Variants in STAG3 observed in about 807,000 individuals in gnomAD.
The protein encoded by STAG3 is cohesin subunit SA-3.
Under a neutral mutation model 160.7 loss-of-function variants are expected in STAG3, and 101 were observed. The ratio of observed to expected loss-of-function variants is 0.63; its 90% CI spans 0.54 to 0.74. The LOEUF is 0.74. STAG3 is among the 30% of genes least tolerant of loss of function. STAG3 has a pLI of 0.00. For synonymous variants in STAG3, 519 were observed against 585.0 expected (o/e 0.89, Z 1.63); for missense variants, 1,188 against 1,517.4 (o/e 0.78, Z 3.61).
chr7:100,206,621 A>G (rs1358177864), intron 29 of STAG3, among the ~76,000 whole-genome samples: 1 of 151,842 alleles, frequency 6.6e-6, no homozygotes, highest in East Asian at 1.9e-4. Context: ...ACAGGCGTCC[A>G]CCACCACCCC....
chr7:100,195,476 A>G, intron 9 of STAG3, 94 bp downstream of exon 9: 1 of 1,190,106 alleles, frequency 8.4e-7, no homozygotes. Context: ...ACCCTTAGTT[A>G]TTTGGTTAGT....
chr7:100,201,147 T>G lies in STAG3; in HGVS notation c.2119T>G (p.Ser707Ala). ...YNLAATLKRL[S>A]AFYNTHDLTR... ...TCTGGCAGCCACTCTGAAACGCCTC[T>G]CTGCCTTCTACAAGTGAGTGGCTTT... Residue 707 changes from serine (S) to alanine (A), a missense_variant, in exon 20 of 34, where the codon TCT becomes GCT. By Grantham distance (99) the Ser-to-Ala change is moderately conservative. Coordinates refer to ENST00000615138, the MANE Select transcript of STAG3 (RefSeq NM_001282717.2). 4.3e-6 allele frequency: 7 copies of G among 1,614,246 alleles called. No homozygotes were observed. The highest frequency in any genetic ancestry group is 5.9e-6 in the Non-Finnish European group (7 of 1,180,050).
chr7:100,178,246 C>A (rs112326232), intron 1 of STAG3, among the ~76,000 whole-genome samples: 123 of 152,292 alleles, frequency 8.1e-4, no homozygotes, highest in African/African-American at 2.9e-3. Context: ...AGCCGCTTAC[C>A]CCAGGGGCAG....
chr7:100,186,049 A>G (rs1799980401), intron 4 of STAG3, 151 bp from the exon 5 acceptor site: 1 of 715,240 alleles, frequency 1.4e-6, no homozygotes, highest in Non-Finnish European at 2.3e-6. Context: ...CCTATATGAA[A>G]TTTTACCTTT....
At chr7:100,189,126 G>A in intron 7 of STAG3, 110 bp downstream of exon 7, 7 of 1,213,510 alleles carry the variant, frequency 5.8e-6, no homozygotes, top group South Asian at 1.4e-5. Context: ...TTCACTTCAA[G>A]GCCATGCCTC....
At chr7:100,204,208 C>G in intron 26 of STAG3, 86 bp downstream of exon 26, 1 of 1,037,004 alleles carries the variant, frequency 9.6e-7, no homozygotes, top group Non-Finnish European at 1.5e-6. Flanking sequence ...TAAGATCCTT[C>G]AGAGCAGTAA....
intron 5 of STAG3, among the ~76,000 whole-genome samples, chr7:100,188,010 C>A (rs897542843): frequency 5.9e-5 from 9 of 152,192 alleles, no homozygotes; most frequent in Non-Finnish European, 1.3e-4. Flanking sequence ...CCCACCTTGG[C>A]CTCCCAAAGT....
At chr7:100,184,447 G>C (rs1799851220) in intron 4 of STAG3, among the ~76,000 whole-genome samples, 1 of 144,226 alleles carries the variant, frequency 6.9e-6, no homozygotes, top group African/African-American at 2.6e-5. Context: ...CTTATATGCA[G>C]TTGTACAGCG....
At chr7:100,194,143 C>T (rs1318195380) in intron 8 of STAG3, among the ~76,000 whole-genome samples, 5 of 151,914 alleles carry the variant, frequency 3.3e-5, no homozygotes, top group Non-Finnish European at 7.4e-5. Flanking sequence ...GACGGGGTTT[C>T]GCCATGTTGG....
intron 4 of STAG3, among the ~76,000 whole-genome samples, chr7:100,183,089 C>A (rs1799758346): frequency 1.3e-5 from 2 of 152,026 alleles, no homozygotes; most frequent in African/African-American, 4.8e-5. Flanking sequence ...TCTTGGCTCA[C>A]TGCAGCCTCT....
intron 4 of STAG3, among the ~76,000 whole-genome samples, 176 bp from the exon 5 acceptor site, chr7:100,186,024 A>G (rs1799977877): frequency 6.6e-6 from 1 of 152,212 alleles, no homozygotes; most frequent in Non-Finnish European, 1.5e-5. Flanking sequence ...GTTGCTACTT[A>G]CACCTCATTT....
At chr7:100,185,853 A>G (rs912314821) in intron 4 of STAG3, among the ~76,000 whole-genome samples, 15 of 152,264 alleles carry the variant, frequency 9.9e-5, no homozygotes, top group African/African-American at 3.6e-4. Flanking sequence ...TGCAGGACCC[A>G]GCTTTATTTA....
chr7:100,198,624 C>G, intron 13 of STAG3, 42 bp downstream of exon 13: 1 of 1,569,742 alleles, frequency 6.4e-7, no homozygotes, highest in South Asian at 1.1e-5. Flanking sequence ...ACCACGCTCT[C>G]GGTTTCTCTC....
At chr7:100,196,696 C>T (rs535029591) in intron 9 of STAG3, among the ~76,000 whole-genome samples, 13 of 152,172 alleles carry the variant, frequency 8.5e-5, no homozygotes, top group Admixed American at 7.2e-4. Context: ...GAGGCTGAGG[C>T]AGGAGAATCA....
At chr7:100,184,941 T>C (rs1351995273) in intron 4 of STAG3, among the ~76,000 whole-genome samples, 2 of 152,248 alleles carry the variant, frequency 1.3e-5, no homozygotes, top group Admixed American at 6.5e-5. Flanking sequence ...TCATTTTCCC[T>C]GGAGTTCTTA....
At chr7:100,202,093 C>T in intron 23 of STAG3, 52 bp downstream of exon 23, 3 of 1,610,452 alleles carry the variant, frequency 1.9e-6, no homozygotes, top group Non-Finnish European at 2.5e-6. Flanking sequence ...TGCCCCCATT[C>T]CAAGGAGAAA....
At chr7:100,193,340 C>A (rs1800456279) in intron 8 of STAG3, among the ~76,000 whole-genome samples, 1 of 152,176 alleles carries the variant, frequency 6.6e-6, no homozygotes, top group South Asian at 2.1e-4. Flanking sequence ...ACTGCATTAG[C>A]CCCTAACGAG....
intron 3 of STAG3, 88 bp downstream of exon 3, chr7:100,182,280 A>C: frequency 1.1e-6 from 1 of 946,722 alleles, no homozygotes; most frequent in Non-Finnish European, 1.6e-6. Flanking sequence ...AATGGCGTGA[A>C]CCCAGGGGGC....
In STAG3 at chr7:100,186,185, A is replaced by T. The variant is rs1799989911; in HGVS notation, c.337-15A>T. On this transcript the variant is annotated splice_polypyrimidine_tract_variant and intron_variant, in intron 4 of 33. Coordinates refer to ENST00000615138, the MANE Select transcript of STAG3 (RefSeq NM_001282717.2). ...ATTGCCAGAAACAGAAGTCATCTAC[A>T]TTTTTTTTCCCTAGTCTTTGGTAGA... is the stretch of plus-strand genomic sequence containing the variant. 3.7e-6 allele frequency: 6 copies of T among 1,605,242 alleles called. No individual in the cohort carries two copies. The highest frequency in any genetic ancestry group is 5.1e-6 in the Non-Finnish European group (6 of 1,172,230).
Sources: allele counts gnomAD v4.1 joint callset (sites outside exome capture counted in the v4.1 genomes callset), GRCh38; gene constraint gnomAD v4.1.1; transcripts MANE v1.5; gene names NCBI Gene and HGNC (gene_info 2026-07-23, HGNC 2026-07-21).